Variants in TBC1D5 observed in about 807,000 individuals in gnomAD.
TBC1D5 encodes the protein TBC1 domain family member 5.
TBC1D5 carries 75 observed loss-of-function variants against 100.3 expected under a neutral mutation model. That is an observed-to-expected ratio of 0.75 (90% CI 0.62 to 0.91). The LOEUF (loss-of-function observed/expected upper bound fraction) is 0.91, where lower values mean the gene tolerates loss of function less well. TBC1D5 is among the 40% of genes least tolerant of loss of function. The pLI, the probability that TBC1D5 is intolerant of heterozygous loss-of-function variation, is 0.00. For synonymous variants in TBC1D5, 323 were observed against 325.6 expected (o/e 0.99, Z 0.09); for missense variants, 910 against 942.4 (o/e 0.97, Z 0.45).
At chr3:17,345,839 A>C (rs115908789) in intron 13 of TBC1D5, among the ~76,000 whole-genome samples, 13,681 of 151,972 alleles carry the variant, frequency 0.09, 1,411 homozygotes, top group African/African-American at 0.26. Context: ...CAAACACCCC[A>C]TATTCTCACT....
intron 14 of TBC1D5, among the ~76,000 whole-genome samples, chr3:17,302,543 C>T (rs2082965119): frequency 6.6e-6 from 1 of 152,142 alleles, no homozygotes; most frequent in African/African-American, 2.4e-5. Context: ...GAATTTTGGA[C>T]TAGATGCAGT....
chr3:17,610,777 G>A (rs2061617410), intron 2 of TBC1D5, among the ~76,000 whole-genome samples: 4 of 152,132 alleles, frequency 2.6e-5, no homozygotes, highest in Admixed American at 2.0e-4. Flanking sequence ...AGCACTTTGG[G>A]AGGCCGAGGC....
At chr3:17,436,683 A>C (rs962548331) in intron 3 of TBC1D5, among the ~76,000 whole-genome samples, 3 of 152,210 alleles carry the variant, frequency 2.0e-5, no homozygotes, top group Admixed American at 1.3e-4. Flanking sequence ...TTGAAATATA[A>C]AGCCATATAA....
intron 19 of TBC1D5, chr3:17,184,834 C>T (rs114451156): frequency 0.016 from 3,331 of 201,880 alleles, 39 homozygotes; most frequent in Middle Eastern, 0.026. Context: ...TGAGCCACGG[C>T]ATCCAGCTTA....
At chr3:17,645,770 A>C (rs1200852371) in intron 1 of TBC1D5, among the ~76,000 whole-genome samples, 1 of 151,998 alleles carries the variant, frequency 6.6e-6, no homozygotes, top group Non-Finnish European at 1.5e-5. Context: ...GCATGCTTAC[A>C]ATGAAACTTA....
chr3:17,174,636 C>T (rs1168534309), intron 19 of TBC1D5, among the ~76,000 whole-genome samples: 1 of 152,146 alleles, frequency 6.6e-6, no homozygotes, highest in Non-Finnish European at 1.5e-5. Flanking sequence ...CTCTGTTGCC[C>T]AGGCTGGAGT....
At chr3:17,509,842 C>G (rs1294491061) in intron 2 of TBC1D5, among the ~76,000 whole-genome samples, 1 of 151,944 alleles carries the variant, frequency 6.6e-6, no homozygotes, top group Non-Finnish European at 1.5e-5. Context: ...CCTACATTTC[C>G]TTTGGTCGTT....
At chr3:17,344,726 T>A (rs1367253304) in intron 13 of TBC1D5, among the ~76,000 whole-genome samples, 2 of 151,952 alleles carry the variant, frequency 1.3e-5, no homozygotes, top group Non-Finnish European at 2.9e-5. Flanking sequence ...GAGATATAGA[T>A]CAATGGAACA....
intron 1 of TBC1D5, among the ~76,000 whole-genome samples, chr3:17,625,844 CT>C (rs2063007634): frequency 6.6e-6 from 1 of 152,006 alleles, no homozygotes; most frequent in Non-Finnish European, 1.5e-5. Context: ...CAGAAGATAG[CT>C]TTAGTATATT....
chr3:17,310,435 C>T (rs2083890180), intron 13 of TBC1D5, among the ~76,000 whole-genome samples: 1 of 151,992 alleles, frequency 6.6e-6, no homozygotes. Flanking sequence ...GCCAAGTACA[C>T]TGCTATATAA....
chr3:17,518,434 G>A (rs1404463619), intron 2 of TBC1D5, among the ~76,000 whole-genome samples: 1 of 152,128 alleles, frequency 6.6e-6, no homozygotes, highest in Non-Finnish European at 1.5e-5. Flanking sequence ...CTTTACAGAG[G>A]GACAGCTTGC....
intron 2 of TBC1D5, among the ~76,000 whole-genome samples, chr3:17,555,452 A>T (rs964637108): frequency 6.6e-6 from 1 of 152,206 alleles, no homozygotes; most frequent in Admixed American, 6.5e-5. Context: ...AGGTGGATTC[A>T]AAGATTTTCT....
At chr3:17,225,225 G>A (rs913852259) in intron 17 of TBC1D5, among the ~76,000 whole-genome samples, 1 of 152,020 alleles carries the variant, frequency 6.6e-6, no homozygotes, top group Non-Finnish European at 1.5e-5. Context: ...GATCACTTGA[G>A]GTCAGGAGTT....
Position 17,697,361 on chromosome 3 carries a change from G to A in TBC1D5, c.-101+41982C>T, listed in dbSNP as rs1244754070. Among the ~76,000 whole-genome samples the A allele has an allele frequency of 7.2e-5, 11 of 152,166 alleles. No homozygotes were observed. The South Asian group carries it at 1.4e-3, about 20-fold the overall frequency. On this transcript the variant is annotated intron_variant, in intron 1 of 21. Coordinates refer to ENST00000253692, the Ensembl canonical transcript of TBC1D5. ...GATTGTATATTTAGAAAACCCCATC[G>A]TCTCAGCCCAAAATCTCCTTAAGCT... is the stretch of plus-strand genomic sequence containing the variant.
At chr3:17,702,944 C>A (rs574464057) in intron 1 of TBC1D5, among the ~76,000 whole-genome samples, 1 of 152,210 alleles carries the variant, frequency 6.6e-6, no homozygotes, top group African/African-American at 2.4e-5. Flanking sequence ...AAGAAAACTT[C>A]TCCAAACTAG....
intron 3 of TBC1D5, among the ~76,000 whole-genome samples, chr3:17,432,895 C>T (rs1288090548): frequency 6.6e-6 from 1 of 152,082 alleles, no homozygotes; most frequent in Non-Finnish European, 1.5e-5. Flanking sequence ...CACAGAAACA[C>T]TGAAAAACAA....
At chr3:17,732,250 A>G (rs1030114061) in intron 1 of TBC1D5, among the ~76,000 whole-genome samples, 2 of 151,412 alleles carry the variant, frequency 1.3e-5, no homozygotes, top group Non-Finnish European at 2.9e-5. Context: ...CCTATGAGGC[A>G]GAGATTGCAG....
chr3:17,664,185 T>G (rs964775826), intron 1 of TBC1D5, among the ~76,000 whole-genome samples: 3 of 152,154 alleles, frequency 2.0e-5, no homozygotes, highest in Non-Finnish European at 2.9e-5. Context: ...TTCTCCTGCC[T>G]CAGCCTCCTC....
chr3:17,238,270 A>C (rs763005573), exon 17 of TBC1D5: 1 of 1,614,062 alleles, frequency 6.2e-7, no homozygotes, highest in East Asian at 2.2e-5. Context: ...GGTAGGAATT[A>C]CAACAGAGGA....
Sources: gnomAD v4.1 joint callset for allele counts (sites outside exome capture counted in the v4.1 genomes callset) on GRCh38, gnomAD v4.1.1 for gene constraint, MANE v1.5 for transcripts, NCBI Gene and HGNC (gene_info 2026-07-23, HGNC 2026-07-21) for gene names.